The following ST3GAL3 variants were observed in gnomAD, a reference collection of about 807,000 sequenced individuals.
ST3GAL3 encodes CMP-N-acetylneuraminate-beta-1,4-galactoside alpha-2,3-sialyltransferase.
A neutral mutation model predicts 50.1 loss-of-function variants in ST3GAL3; 21 were observed. That is an observed-to-expected ratio of 0.42 (90% CI 0.30 to 0.60). The LOEUF is 0.60. Among genes scored for constraint, ST3GAL3 ranks in the 20% least tolerant of loss-of-function variants. The pLI is 0.19. For synonymous variants in ST3GAL3, 183 were observed against 190.0 expected, an observed-to-expected ratio of 0.96 and a Z score of 0.30; for missense variants, 353 against 489.4, an observed-to-expected ratio of 0.72 and a Z score of 2.63.
intron 11 of ST3GAL3, chr1:43,929,915 C>T: frequency 1.4e-6 from 1 of 694,526 alleles, no homozygotes; most frequent in East Asian, 2.7e-5. Context: ...TATGAAGGTT[C>T]TTTTTTCCCT....
At chr1:43,829,978 T>C (rs991732339) in intron 4 of ST3GAL3, among the ~76,000 whole-genome samples, 1 of 144,436 alleles carries the variant, frequency 6.9e-6, no homozygotes, top group Non-Finnish European at 1.5e-5. Context: ...AGCAACCCAC[T>C]GCAAGCATAA....
At chr1:43,720,388 A>G (rs959088166) in intron 1 of ST3GAL3, 8 of 152,224 alleles carry the variant, frequency 5.3e-5, no homozygotes, top group Non-Finnish European at 1.0e-4. Flanking sequence ...AGTAGATGTC[A>G]TTCTAGGTGT....
intron 2 of ST3GAL3, chr1:43,738,986 C>T (rs1218477059): frequency 2.0e-5 from 3 of 152,064 alleles, no homozygotes; most frequent in South Asian, 2.1e-4. Flanking sequence ...CTCATTTGAT[C>T]CTCATAGTTT....
intron 5 of ST3GAL3, among the ~76,000 whole-genome samples, chr1:43,868,190 C>CA (rs1279043976): frequency 2.0e-5 from 3 of 152,174 alleles, no homozygotes; most frequent in Admixed American, 6.5e-5. Context: ...TGAAAAATGT[C>CA]AGACTGTATT....
Position 43,897,475 on chromosome 1 carries a change from T to A in ST3GAL3, c.398-760T>A, listed in dbSNP as rs558050529. Among the ~76,000 whole-genome samples, 59 of 152,340 alleles carry A rather than the reference T, an allele frequency of 3.9e-4. 3 individuals carry two copies. Among genetic ancestry groups the A allele is most frequent in the African/African-American group, 1.1e-3 (46 of 41,580 alleles). On this transcript the variant is annotated intron_variant, in intron 6 of 11. Transcript: ENST00000347631. Reference sequence around the variant, plus strand: ...ACTCCAAAGCCAATACCCTTGCTATTCACTATACATCATATTATAGTGCTC... The same window carrying A: ...ACTCCAAAGCCAATACCCTTGCTATACACTATACATCATATTATAGTGCTC...
chr1:43,741,498 ACT>A (rs1235901492), intron 2 of ST3GAL3, among the ~76,000 whole-genome samples: 1 of 152,204 alleles, frequency 6.6e-6, no homozygotes, highest in Non-Finnish European at 1.5e-5. Context: ...CCTGGAGAAT[ACT>A]CTCTGGCACA....
intron 9 of ST3GAL3, among the ~76,000 whole-genome samples, chr1:43,917,457 A>T (rs1449251126): frequency 1.7e-4 from 4 of 23,462 alleles, no homozygotes; most frequent in Non-Finnish European, 9.1e-4. Context: ...TATAATATAT[A>T]ATATATATAA....
chr1:43,885,534 C>T (rs1398708514), intron 5 of ST3GAL3, among the ~76,000 whole-genome samples: 1 of 152,140 alleles, frequency 6.6e-6, no homozygotes, highest in Non-Finnish European at 1.5e-5. Context: ...GCAGGTCAGG[C>T]GTCCCACACC....
chr1:43,831,244 T>A (rs1309181836), intron 4 of ST3GAL3, among the ~76,000 whole-genome samples: 1 of 152,228 alleles, frequency 6.6e-6, no homozygotes, highest in Non-Finnish European at 1.5e-5. Context: ...CAGTTTTCTC[T>A]TGTCAAAAAT....
At chr1:43,777,396 A>G (rs1402327254) in intron 2 of ST3GAL3, among the ~76,000 whole-genome samples, 1 of 152,218 alleles carries the variant, frequency 6.6e-6, no homozygotes, top group Non-Finnish European at 1.5e-5. Flanking sequence ...GGCTACGGTA[A>G]CCAAAACAGC....
At chr1:43,800,884 A>G (rs1459564977) in intron 3 of ST3GAL3, among the ~76,000 whole-genome samples, 2 of 152,164 alleles carry the variant, frequency 1.3e-5, no homozygotes, top group African/African-American at 4.8e-5. Flanking sequence ...ATACCCCATG[A>G]CTTTTTTTTA....
intron 5 of ST3GAL3, among the ~76,000 whole-genome samples, chr1:43,871,750 G>A (rs529603130): frequency 1.6e-5 from 1 of 60,628 alleles, no homozygotes; most frequent in South Asian, 7.0e-4. Flanking sequence ...AGGATGGGGT[G>A]GGAGGGAGAG....
At chr1:43,904,393 C>T (rs1390331849) in intron 9 of ST3GAL3, among the ~76,000 whole-genome samples, 2 of 151,978 alleles carry the variant, frequency 1.3e-5, no homozygotes, top group Non-Finnish European at 1.5e-5. Flanking sequence ...CACCACCCAG[C>T]CCAGGCTTCT....
At chr1:43,728,087 A>G (rs557769031) in intron 1 of ST3GAL3, among the ~76,000 whole-genome samples, 6 of 152,026 alleles carry the variant, frequency 3.9e-5, no homozygotes, top group Admixed American at 1.3e-4. Flanking sequence ...TAAGTACCCA[A>G]TGTTTAGCTG....
At position 43,899,535 on chromosome 1, in the gene ST3GAL3, C is replaced by A. The variant is rs748324213; in HGVS notation, c.558-6C>A. ...CCCAGGCTCTGAGTGGGCCTGCTCT[C>A]TGTAGACTGAATTCAGCACCAGTGA... On this transcript the variant is annotated splice_region_variant and splice_polypyrimidine_tract_variant and intron_variant, in intron 8 of 11. Coordinates refer to ENST00000347631, the MANE Select transcript of ST3GAL3 (RefSeq NM_006279.5). This position sits in a 1 kb window ranked among gnomAD's most constrained non-coding sequence, Gnocchi z 5.4. The A allele has an allele frequency of 6.2e-7, 1 of 1,612,110 alleles. No individual in the cohort carries two copies.
chr1:43,908,668 C>T lies in ST3GAL3; in HGVS notation c.744+8941C>T, dbSNP rs2080248193. ...TTTGAAATGGAGTTTGCTCTGTCAC[C>T]CAGACAGGAGTGCAGTGGCACAATC... On this transcript the variant is annotated intron_variant, in intron 9 of 11. Coordinates refer to ENST00000347631, the MANE Select transcript of ST3GAL3 (RefSeq NM_006279.5). 1.3e-5 allele frequency among the ~76,000 whole-genome samples: 2 copies of T among 151,264 alleles called. 1 individual carries two copies. The highest frequency in any genetic ancestry group is 4.9e-5 in the African/African-American group (2 of 41,056).
At chr1:43,718,614 A>G (rs1057251163) in intron 1 of ST3GAL3, among the ~76,000 whole-genome samples, 2 of 151,610 alleles carry the variant, frequency 1.3e-5, no homozygotes, top group African/African-American at 4.8e-5. Flanking sequence ...TTCAACAGAA[A>G]AAAGCCACTG....
chr1:43,765,885 A>C (rs1486016110), intron 2 of ST3GAL3, among the ~76,000 whole-genome samples: 1 of 151,610 alleles, frequency 6.6e-6, no homozygotes, highest in East Asian at 2.0e-4. Context: ...CTGTAAAAAC[A>C]AGCTCCTCTT....
rs368761271 is a variant in ST3GAL3, at chr1:43,757,324, T to C, written c.118+20944T>C. On this transcript the variant is annotated intron_variant, in intron 2 of 11. Transcript: ENST00000347631. Reference sequence around the variant, plus strand: ...TTGAAAACTGATTTTAAAACTTATATAGAAATATAGAGATTCAAGAATAGT... The same window carrying C: ...TTGAAAACTGATTTTAAAACTTATACAGAAATATAGAGATTCAAGAATAGT... 5.6e-4 allele frequency among the ~76,000 whole-genome samples: 86 copies of C among 152,294 alleles called. 1 individual carries two copies. The highest frequency in any genetic ancestry group is 1.9e-3 in the African/African-American group (79 of 41,560).
Sources: gnomAD v4.1 joint callset for allele counts (sites outside exome capture counted in the v4.1 genomes callset) on GRCh38, gnomAD v4.1.1 for gene constraint, Gnocchi (gnomAD v3.1) non-coding constraint, MANE v1.5 for transcripts, NCBI Gene and HGNC (gene_info 2026-07-23, HGNC 2026-07-21) for gene names.